Variants in MTHFD2L observed in about 807,000 individuals in gnomAD.
MTHFD2L encodes the protein methylenetetrahydrofolate dehydrogenase (NADP+ dependent) 2 like.
In MTHFD2L, 29 loss-of-function variants were observed where a neutral mutation model predicts 34.9. The observed-to-expected ratio is 0.83, with a 90% CI of 0.62 to 1.13. The LOEUF is 1.13. MTHFD2L is among the 50% of genes most tolerant of loss of function. The probability of loss-of-function intolerance (pLI) is 0.00; values close to 1 mark genes in which losing one functional copy is unlikely to be tolerated. For missense variants in MTHFD2L, 481 were observed against 446.5 expected, an observed-to-expected ratio of 1.08 and a Z score of -0.70; for synonymous variants, 167 against 155.7, an observed-to-expected ratio of 1.07 and a Z score of -0.54.
chr4:74,182,521 A>G (rs1730388925), intron 3 of MTHFD2L, among the ~76,000 whole-genome samples: 2 of 152,182 alleles, frequency 1.3e-5, no homozygotes, highest in Non-Finnish European at 2.9e-5. Context: ...TTACCTTTCA[A>G]ACATACAAGG....
chr4:74,197,443 C>G (rs1733679773), intron 3 of MTHFD2L, among the ~76,000 whole-genome samples: 1 of 152,070 alleles, frequency 6.6e-6, no homozygotes, highest in Non-Finnish European at 1.5e-5. Context: ...ACAAGTATTA[C>G]TTAATCTAGG....
At chr4:74,159,618 A>G (rs1259047605) in intron 1 of MTHFD2L, among the ~76,000 whole-genome samples, 1 of 152,180 alleles carries the variant, frequency 6.6e-6, no homozygotes, top group East Asian at 1.9e-4. Flanking sequence ...GTCATTACAA[A>G]CAACAGTTAC....
At chr4:74,255,012 G>A (rs756770352) in intron 6 of MTHFD2L, among the ~76,000 whole-genome samples, 11 of 151,806 alleles carry the variant, frequency 7.2e-5, no homozygotes, top group Admixed American at 3.3e-4. Flanking sequence ...GCAGGTGCCT[G>A]TAATCCCAGC....
intron 1 of MTHFD2L, among the ~76,000 whole-genome samples, chr4:74,131,842 A>C (rs1224785502): frequency 2.6e-5 from 4 of 152,208 alleles, no homozygotes; most frequent in Non-Finnish European, 5.9e-5. Flanking sequence ...CATCTGACAA[A>C]GGGCTAATAT....
At chr4:74,208,449 T>C (rs1240163282) in intron 5 of MTHFD2L, among the ~76,000 whole-genome samples, 1 of 152,224 alleles carries the variant, frequency 6.6e-6, no homozygotes, top group Non-Finnish European at 1.5e-5. Context: ...GTAAAGCTTA[T>C]TTTAAATGGA....
intron 1 of MTHFD2L, among the ~76,000 whole-genome samples, chr4:74,141,229 A>G (rs929672084): frequency 3.3e-5 from 5 of 152,204 alleles, no homozygotes; most frequent in Non-Finnish European, 7.3e-5. Flanking sequence ...CTCAGCAAGA[A>G]TCGAGATAAT....
At chr4:74,259,083 A>T (rs145338621) in intron 6 of MTHFD2L, among the ~76,000 whole-genome samples, 1 of 152,244 alleles carries the variant, frequency 6.6e-6, no homozygotes, top group Non-Finnish European at 1.5e-5. Flanking sequence ...TTTTCCACCT[A>T]TCCTCTACCA....
At chr4:74,253,284 C>A (rs2367555) in intron 6 of MTHFD2L, among the ~76,000 whole-genome samples, 101,277 of 151,934 alleles carry the variant, frequency 0.67, 35,498 homozygotes, top group Middle Eastern at 0.8. Flanking sequence ...TGTAAAATAA[C>A]ATTAATAATT....
At chr4:74,250,044 A>T (rs1286847381) in intron 6 of MTHFD2L, among the ~76,000 whole-genome samples, 2 of 152,094 alleles carry the variant, frequency 1.3e-5, no homozygotes, top group East Asian at 3.9e-4. Flanking sequence ...AGATTGGGAA[A>T]GTTCTCCTGG....
intron 6 of MTHFD2L, among the ~76,000 whole-genome samples, chr4:74,247,884 G>T (rs1370822975): frequency 6.6e-6 from 1 of 152,110 alleles, no homozygotes; most frequent in South Asian, 2.1e-4. Context: ...CGGTTTGCCA[G>T]TATTTTATTG....
intron 5 of MTHFD2L, among the ~76,000 whole-genome samples, chr4:74,221,942 T>C (rs562205719): frequency 1.3e-5 from 2 of 152,036 alleles, no homozygotes; most frequent in African/African-American, 4.8e-5. Context: ...AATAAATAAA[T>C]GATAAAATGT....
intron 5 of MTHFD2L, among the ~76,000 whole-genome samples, chr4:74,221,103 G>T (rs1053050889): frequency 6.6e-6 from 1 of 150,730 alleles, no homozygotes; most frequent in Non-Finnish European, 1.5e-5. Flanking sequence ...CAATAGAAGG[G>T]TCTCCTTATG....
chr4:74,184,890 C>T (rs1730854605), intron 3 of MTHFD2L, among the ~76,000 whole-genome samples: 1 of 151,962 alleles, frequency 6.6e-6, no homozygotes, highest in South Asian at 2.1e-4. Flanking sequence ...TGGCTCATGC[C>T]TATAATCCCA....
chr4:74,256,949 A>G (rs1744103256), intron 6 of MTHFD2L, among the ~76,000 whole-genome samples: 1 of 151,976 alleles, frequency 6.6e-6, no homozygotes, highest in Non-Finnish European at 1.5e-5. Flanking sequence ...TGGGCTCTTT[A>G]TTGGTTCCAC....
intron 6 of MTHFD2L, among the ~76,000 whole-genome samples, chr4:74,259,985 A>G (rs1744481090): frequency 6.6e-6 from 1 of 152,168 alleles, no homozygotes. Context: ...AGCCACCTAG[A>G]GGAGTATGAT....
intron 6 of MTHFD2L, among the ~76,000 whole-genome samples, chr4:74,261,062 A>C (rs563267359): frequency 6.6e-6 from 1 of 152,070 alleles, no homozygotes; most frequent in African/African-American, 2.4e-5. Flanking sequence ...AATTATTCCC[A>C]TTTATATAAA....
At chr4:74,117,645 T>G (rs1024314429) in intron 2 of MTHFD2L, among the ~76,000 whole-genome samples, 2 of 152,248 alleles carry the variant, frequency 1.3e-5, no homozygotes, top group African/African-American at 4.8e-5. Context: ...GGGTCATTTC[T>G]TTGCAAGAAG....
intron 7 of MTHFD2L, among the ~76,000 whole-genome samples, chr4:74,289,927 AAG>A (rs1330645260): frequency 6.6e-6 from 1 of 152,164 alleles, no homozygotes; most frequent in East Asian, 1.9e-4. Flanking sequence ...TAATGGGCAA[AAG>A]AGAGGAAGGG....
intron 3 of MTHFD2L, chr4:74,194,534 G>T (rs557213735): frequency 6.6e-6 from 1 of 152,214 alleles, no homozygotes; most frequent in South Asian, 2.1e-4. Context: ...TCCAATATAA[G>T]CTACTTCACA....
Sources: gnomAD v4.1 joint callset for allele counts (sites outside exome capture counted in the v4.1 genomes callset) on GRCh38, gnomAD v4.1.1 for gene constraint, MANE v1.5 for transcripts, NCBI Gene and HGNC (gene_info 2026-07-23, HGNC 2026-07-21) for gene names.